CD44: variants seen among roughly 807,000 people sequenced by gnomAD.
The protein encoded by CD44 is CD44 molecule (IN blood group).
A neutral mutation model predicts 88.8 loss-of-function variants in CD44; 49 were observed. The ratio of observed to expected loss-of-function variants is 0.55; its 90% CI spans 0.44 to 0.70. CD44 has a LOEUF of 0.70. CD44 is among the 30% of genes least tolerant of loss of function. The probability of loss-of-function intolerance (pLI) is 0.00; values close to 1 mark genes in which losing one functional copy is unlikely to be tolerated. For synonymous variants in CD44, 325 were observed against 312.3 expected, an observed-to-expected ratio of 1.04 and a Z score of -0.43; for missense variants, 883 against 913.8, an observed-to-expected ratio of 0.97 and a Z score of 0.43.
chr11:35,140,958 T>A (rs955391229), intron 1 of CD44, among the ~76,000 whole-genome samples: 1 of 150,086 alleles, frequency 6.7e-6, no homozygotes, highest in African/African-American at 2.4e-5. Context: ...GAGGTGAAGG[T>A]TGCAGTGAAC....
Position 35,182,563 on chromosome 11 carries a change from C to T in CD44, c.367+2156C>T, listed in dbSNP as rs117525710. ...GACTCATACATACTCAGTTCCCATA[C>T]CCATGTCTAGCATGTCGTTCTAATG... On this transcript the variant is annotated intron_variant, in intron 3 of 17. Coordinates refer to ENST00000428726, the MANE Select transcript of CD44 (RefSeq NM_000610.4). Among the ~76,000 whole-genome samples the T allele has an allele frequency of 7.2e-3, 1,101 of 152,228 alleles. 9 individuals are homozygous for T. Among genetic ancestry groups the T allele is most frequent in the Middle Eastern group, 0.01 (3 of 294 alleles).
intron 1 of CD44, among the ~76,000 whole-genome samples, chr11:35,156,588 A>G (rs1941898915): frequency 6.6e-6 from 1 of 152,204 alleles, no homozygotes; most frequent in African/African-American, 2.4e-5. Flanking sequence ...TTCCTAATCC[A>G]TCCTTCAGTT....
chr11:35,201,551 A>T, intron 8 of CD44, 120 bp from the exon 9 acceptor site: 1 of 1,240,770 alleles, frequency 8.1e-7, no homozygotes, highest in Non-Finnish European at 1.1e-6. Flanking sequence ...TTGAGAGTGG[A>T]TGCTCAGAGG....
chr11:35,227,846 A>G (rs1027497819), intron 17 of CD44, among the ~76,000 whole-genome samples: 1 of 152,242 alleles, frequency 6.6e-6, no homozygotes, highest in Non-Finnish European at 1.5e-5. Flanking sequence ...CTTTGGTCAT[A>G]AAGGCCTGGA....
intron 17 of CD44, among the ~76,000 whole-genome samples, chr11:35,225,425 G>A (rs1298215668): frequency 2.0e-5 from 3 of 152,124 alleles, no homozygotes; most frequent in Non-Finnish European, 4.4e-5. Context: ...TCCACACTGT[G>A]TGATTGCTGT....
chr11:35,226,833 G>A (rs1949718099), intron 17 of CD44, among the ~76,000 whole-genome samples: 1 of 147,630 alleles, frequency 6.8e-6, no homozygotes, highest in African/African-American at 2.5e-5. Context: ...ATAGCAGTAA[G>A]TTCTCAAAAC....
At chr11:35,196,956 A>G in intron 6 of CD44, 82 bp downstream of exon 6, 1 of 1,428,912 alleles carries the variant, frequency 7.0e-7, no homozygotes, top group Non-Finnish European at 9.6e-7. Context: ...ATGTTATTAA[A>G]GCCTAACGTT....
intron 17 of CD44, among the ~76,000 whole-genome samples, chr11:35,225,812 GT>G (rs1949657964): frequency 6.6e-6 from 1 of 152,058 alleles, no homozygotes; most frequent in African/African-American, 2.4e-5. Flanking sequence ...GTGAGACTTT[GT>G]AAAAAACAAA....
chr11:35,223,357 A>T, intron 17 of CD44: 1 of 869,414 alleles, frequency 1.2e-6, no homozygotes, highest in Non-Finnish European at 1.4e-6. Flanking sequence ...CAAGCCCTAG[A>T]ATGCACCACT....
intron 1 of CD44, among the ~76,000 whole-genome samples, chr11:35,144,676 C>T (rs1384935320): frequency 6.6e-6 from 1 of 152,160 alleles, no homozygotes; most frequent in Non-Finnish European, 1.5e-5. Flanking sequence ...TGGATACAGT[C>T]ATTGTGCGTT....
At chr11:35,162,658 G>A (rs865954103) in intron 1 of CD44, among the ~76,000 whole-genome samples, 10 of 152,176 alleles carry the variant, frequency 6.6e-5, no homozygotes, top group African/African-American at 2.4e-4. Flanking sequence ...TGAATTACAA[G>A]CAATTAGTTC....
At chr11:35,178,128 AT>A (rs1403288021) in intron 2 of CD44, among the ~76,000 whole-genome samples, 1 of 152,266 alleles carries the variant, frequency 6.6e-6, no homozygotes, top group Non-Finnish European at 1.5e-5. Flanking sequence ...CAAATCCATT[AT>A]TCTATTCCCA....
At chr11:35,197,983 TG>T in intron 6 of CD44, 137 bp from the exon 7 acceptor site, 1 of 723,134 alleles carries the variant, frequency 1.4e-6, no homozygotes, top group Non-Finnish European at 2.2e-6. Context: ...CATAAGAATT[TG>T]GGGTATGCAA....
At chr11:35,196,929 TTTGA>T in intron 6 of CD44, 55 bp downstream of exon 6, 1 of 1,573,986 alleles carries the variant, frequency 6.4e-7, no homozygotes, top group Admixed American at 1.7e-5. Flanking sequence ...CTTGAATAAT[TTTGA>T]TTGACCTCTG....
intron 1 of CD44, among the ~76,000 whole-genome samples, chr11:35,171,780 T>A (rs1254747663): frequency 6.6e-6 from 1 of 152,194 alleles, no homozygotes; most frequent in East Asian, 1.9e-4. Flanking sequence ...AATGCAATCT[T>A]TCTTACATTG....
rs1205949400 is a variant in CD44, at chr11:35,210,021, G to A, written c.1573G>A (p.Asp525Asn). 6.4e-7 allele frequency: 1 copy of A among 1,565,852 alleles called. No homozygotes were observed. Among genetic ancestry groups the A allele is most frequent in the Non-Finnish European group, 8.6e-7 (1 of 1,162,080 alleles). ...TSHEGLEEDK[D>N]HPTTSTLTSS... ...ACATGAAGGCTTGGAAGAAGATAAA[G>A]ACCATCCAACAACTTCTACTCTGAC... Residue 525 changes from aspartate (D) to asparagine (N), a missense_variant, in exon 13 of 18, where the codon GAC (aspartate) becomes AAC (asparagine). This residue lies in a region of CD44 where 631 missense variants were observed against 590.9 expected (regional missense o/e 1.07). Transcript: ENST00000428726.
At chr11:35,224,532 T>C (rs1949557507) in intron 17 of CD44, among the ~76,000 whole-genome samples, 1 of 151,402 alleles carries the variant, frequency 6.6e-6, no homozygotes, top group African/African-American at 2.4e-5. Context: ...AGCCTAGGAG[T>C]TCAAGACCAG....
At chr11:35,196,046 T>C (rs1315248338) in intron 5 of CD44, among the ~76,000 whole-genome samples, 1 of 152,156 alleles carries the variant, frequency 6.6e-6, no homozygotes, top group Non-Finnish European at 1.5e-5. Flanking sequence ...TCTTGGAGAA[T>C]GATATTGGTT....
chr11:35,157,321 GTCTATCTATCTATCTATCTA>G (rs3838798), intron 1 of CD44, among the ~76,000 whole-genome samples: 4 of 147,288 alleles, frequency 2.7e-5, no homozygotes, highest in African/African-American at 5.0e-5. Context: ...CTGTCTGTCT[GTCTATCTATCTATCTATCTA>G]TCTATCTATC....
Sources: allele counts gnomAD v4.1 joint callset (sites outside exome capture counted in the v4.1 genomes callset), GRCh38; gene constraint gnomAD v4.1.1; regional missense constraint gnomAD v4.1.1; transcripts MANE v1.5; gene names NCBI Gene and HGNC (gene_info 2026-07-23, HGNC 2026-07-21).